Variants in TEKT4 observed in about 807,000 individuals in gnomAD.
The protein encoded by TEKT4 is tektin-4.
TEKT4 carries 46 observed loss-of-function variants against 46.0 expected under a neutral mutation model. The ratio of observed to expected loss-of-function variants is 1.00; its 90% CI spans 0.79 to 1.28. The LOEUF (loss-of-function observed/expected upper bound fraction) is 1.28, where lower values mean the gene tolerates loss of function less well. TEKT4 is among the 50% of genes most tolerant of loss of function. TEKT4 has a pLI of 0.00. For missense variants in TEKT4, 790 were observed against 622.9 expected (o/e 1.27, Z -2.85); for synonymous variants, 325 against 265.8 (o/e 1.22, Z -2.17).
chr2:94,875,508 G>T (rs1680802381), intron 4 of TEKT4, 80 bp from the exon 5 acceptor site: 1 of 1,586,338 alleles, frequency 6.3e-7, no homozygotes, highest in East Asian at 2.2e-5. Flanking sequence ...CCCAAGACCT[G>T]GGTAGGACCA....
rs1264904273 is a variant in TEKT4, at chr2:94,871,979, GAGGT to G, written c.401_404del (p.Glu134GlyfsTer31). ...GCTGGAGCGCGCCCTGGACGCCACA[GAGGT>G]GCCCTTCTCCATCACCACTGACAAC... On this transcript the variant is annotated frameshift_variant, in exon 1 of 6. Coordinates refer to ENST00000295201, the MANE Select transcript of TEKT4 (RefSeq NM_144705.4). LOFTEE classifies it high-confidence loss of function. 1.2e-6 allele frequency: 2 copies of G among 1,600,586 alleles called. No individual in the cohort carries two copies. Among genetic ancestry groups the G allele is most frequent in the Admixed American group, 3.4e-5 (2 of 59,098 alleles).
At chr2:94,875,824 C>G in intron 5 of TEKT4, 82 bp downstream of exon 5, 2 of 1,405,498 alleles carry the variant, frequency 1.4e-6, no homozygotes, top group Non-Finnish European at 2.0e-6. Context: ...CACTCCAACA[C>G]CCCGCACACA....
chr2:94,874,163 G>A (rs551961352), intron 3 of TEKT4, 55 bp downstream of exon 3: 4 of 1,583,176 alleles, frequency 2.5e-6, no homozygotes, highest in African/African-American at 1.3e-5. Context: ...GCCTCCCTCT[G>A]CCTGGGGGCC....
intron 2 of TEKT4, 85 bp from the exon 3 acceptor site, chr2:94,873,880 C>A (rs1680696045): frequency 1.3e-6 from 2 of 1,559,328 alleles, no homozygotes; most frequent in Non-Finnish European, 8.7e-7. Flanking sequence ...CTGAGGCAGG[C>A]ATTGGGGCCC....
At chr2:94,875,066 CCT>C in intron 4 of TEKT4, 68 bp downstream of exon 4, 2 of 1,454,496 alleles carry the variant, frequency 1.4e-6, no homozygotes, top group South Asian at 2.7e-5. Flanking sequence ...ACACCTTTCT[CCT>C]CTGTCCCATT....
In TEKT4 at chr2:94,876,749, C is replaced by A; in HGVS notation, c.1288C>A (p.Gln430Lys). The change falls in exon 6 of 6, where the codon CAG becomes AAG. Residue 430 changes from glutamine to lysine, a missense_variant. Physicochemically the swap from Gln to Lys is moderately conservative, Grantham distance 53. Coordinates refer to ENST00000295201, the MANE Select transcript of TEKT4 (RefSeq NM_144705.4). ...AHRTRYPTIL[Q>K]LAGYQ ...TCGTACTCGCTACCCCACCATCCTG[C>A]AGCTGGCTGGCTACCAGTGAGCAGC... 1 of 1,608,232 alleles carries A rather than the reference C, an allele frequency of 6.2e-7. No homozygotes were observed. Among genetic ancestry groups the A allele is most frequent in the Non-Finnish European group, 8.5e-7 (1 of 1,179,960 alleles).
Position 94,871,701 on chromosome 2 carries a change from T to A in TEKT4, c.122T>A (p.Leu41Gln). The change falls in exon 1 of 6, where the codon CTG becomes CAG. Residue 41 changes from leucine (L) to glutamine (Q), a missense_variant. By Grantham distance (113) the Leu-to-Gln change is moderately radical (BLOSUM62 -2). Transcript: ENST00000295201. ...TASFRTSKYLLEEWFQNCYAR... is the reference protein window; with the variant it reads ...TASFRTSKYLQEEWFQNCYAR... ...AGCTTCCGCACCTCCAAGTACCTGC[T>A]GGAGGAGTGGTTCCAGAACTGCTAT... 1 of 1,612,584 alleles carries A rather than the reference T, an allele frequency of 6.2e-7. No homozygotes were observed. The highest frequency in any genetic ancestry group is 8.5e-7 in the Non-Finnish European group (1 of 1,179,916).
At position 94,871,451 on chromosome 2, in the gene TEKT4, G is replaced by C; in HGVS notation, c.-129G>C. The stretch of plus-strand genomic sequence containing the variant: ...TCTTGGTTTACACAGTGTCACCCAA[G>C]CGACTGGGAGCCGCGTCCTGCTCTG... On this transcript the variant is annotated 5_prime_UTR_variant, in exon 1 of 6. Transcript: ENST00000295201. The C allele has an allele frequency of 8.2e-7, 1 of 1,216,276 alleles. No individual in the cohort carries two copies. The highest frequency in any genetic ancestry group is 1.1e-6 in the Non-Finnish European group (1 of 899,332). The allele number at this position is 1,216,276 out of a possible 1,614,324, so 75.3% of individuals were successfully genotyped here. A position where few individuals can be genotyped will look rare whatever the true frequency, so the allele number is the denominator to read the frequency against.
Position 94,875,617 on chromosome 2 carries a change from C to T in TEKT4, c.966C>T (p.His322=). ...KTLREITDQE[H]NVAALKQAIK... ...TGCGGGAAATCACAGATCAGGAACA[C>T]AACGTGGCGGCACTGAAGCAGGCCA... is the stretch of plus-strand genomic sequence containing the variant. The change falls in exon 5 of 6, where the codon CAC becomes CAT. Residue 322 remains histidine (H), a synonymous_variant. Transcript: ENST00000295201. 1.2e-6 allele frequency: 2 copies of T among 1,614,156 alleles called. No homozygotes were observed. The highest frequency in any genetic ancestry group is 1.7e-6 in the Non-Finnish European group (2 of 1,179,998).
Position 94,874,111 on chromosome 2 carries a change from G to A in TEKT4, c.713+3G>A. On this transcript the variant is annotated splice_donor_region_variant and intron_variant, in intron 3 of 5. Transcript: ENST00000295201. ...TACTCCACCACCTTCCAAGAGAGGT[G>A]GGCCCCAGCTCTGCCCCTGCACTTG... The A allele has an allele frequency of 1.2e-6, 2 of 1,613,198 alleles. No individual in the cohort carries two copies. Among genetic ancestry groups the A allele is most frequent in the South Asian group, 1.1e-5 (1 of 91,070 alleles).
Position 94,873,741 on chromosome 2 carries a change from G to A in TEKT4, c.569+151G>A, listed in dbSNP as rs566877802. The A allele has an allele frequency of 3.7e-5, 47 of 1,266,962 alleles. No homozygotes were observed. The Middle Eastern group carries it at 7.3e-4, about 20-fold the overall frequency. The allele number at this position is 1,266,962 out of a possible 1,614,324, so 78.5% of individuals were successfully genotyped here. On this transcript the variant is annotated intron_variant, in intron 2 of 5. Coordinates refer to ENST00000295201, the MANE Select transcript of TEKT4 (RefSeq NM_144705.4). ...GCAGGACTGGGTGGGGGAGGTTCCG[G>A]CGCAGCCTGAGGTTGAGTGGCCAGA...
intron 1 of TEKT4, chr2:94,872,714 G>C: frequency 1.1e-5 from 9 of 799,682 alleles, no homozygotes; most frequent in Non-Finnish European, 1.4e-5. Context: ...AAGATGTGGG[G>C]TGGGGGCAGC....
chr2:94,874,287 G>T (rs1323380272), intron 3 of TEKT4, among the ~76,000 whole-genome samples, 179 bp downstream of exon 3: 1 of 152,212 alleles, frequency 6.6e-6, no homozygotes, highest in African/African-American at 2.4e-5. Context: ...AATGTCCAGC[G>T]CGTGCACAGC....
chr2:94,871,513 A>ACC lies in TEKT4; in HGVS notation c.-67_-66insCC. ...TTGGAGCTGCCCCGCTGACCGCACT[A>ACC]GGCTGACCGCAACCGGCTGACCACA... On this transcript the variant is annotated 5_prime_UTR_variant, in exon 1 of 6. Coordinates refer to ENST00000295201, the MANE Select transcript of TEKT4 (RefSeq NM_144705.4). The ACC allele has an allele frequency of 2.7e-6, 4 of 1,487,728 alleles. No individual in the cohort carries two copies. The highest frequency in any genetic ancestry group is 3.6e-6 in the Non-Finnish European group (4 of 1,119,750). The allele number at this position is 1,487,728 out of a possible 1,614,324, so 92.2% of individuals were successfully genotyped here.
At chr2:94,873,283 T>C in intron 1 of TEKT4, 1 of 1,383,690 alleles carries the variant, frequency 7.2e-7, no homozygotes, top group Non-Finnish European at 9.4e-7. Flanking sequence ...CTGAGGGACC[T>C]TCCCAGCAGC....
chr2:94,871,497 C>G lies in TEKT4; in HGVS notation c.-83C>G. 6.9e-7 allele frequency: 1 copy of G among 1,448,978 alleles called. No individual in the cohort carries two copies. Among genetic ancestry groups the G allele is most frequent in the Non-Finnish European group, 9.1e-7 (1 of 1,100,830 alleles). 89.8% of individuals were successfully genotyped at this position (1,448,978 alleles called of 1,614,324 possible). On this transcript the variant is annotated 5_prime_UTR_variant, in exon 1 of 6. Transcript: ENST00000295201. Reference sequence around the variant, plus strand: ...CTCTGGGACTGAGCCGTTGGAGCTGCCCCGCTGACCGCACTAGGCTGACCG... The same window carrying G: ...CTCTGGGACTGAGCCGTTGGAGCTGGCCCGCTGACCGCACTAGGCTGACCG...
chr2:94,875,263 C>T (rs1434199141), intron 4 of TEKT4, among the ~76,000 whole-genome samples: 1 of 152,160 alleles, frequency 6.6e-6, no homozygotes, highest in African/African-American at 2.4e-5. Flanking sequence ...GAGTCCTGGC[C>T]TGGCAGGCAG....
Position 94,874,026 on chromosome 2 carries a change from A to G in TEKT4, c.631A>G (p.Asn211Asp). ...MDWSDKMEAY[N>D]IDETCGRHHS... ...CTGGTCAGACAAGATGGAGGCCTAC[A>G]ACATCGACGAGACCTGCGGGCGCCA... Residue 211 changes from asparagine (N) to aspartate (D), a missense_variant, in exon 3 of 6, where the codon AAC (asparagine) becomes GAC (aspartate). By Grantham distance (23) the Asn-to-Asp change is conservative (BLOSUM62 1). Coordinates refer to ENST00000295201, the MANE Select transcript of TEKT4 (RefSeq NM_144705.4). 6.2e-7 allele frequency: 1 copy of G among 1,613,804 alleles called. No individual in the cohort carries two copies. The highest frequency in any genetic ancestry group is 1.1e-5 in the South Asian group (1 of 91,086).
In TEKT4 at chr2:94,871,785, G is replaced by T; in HGVS notation, c.206G>T (p.Ser69Ile). The change falls in exon 1 of 6, where the codon AGC (serine) becomes ATC (isoleucine). Residue 69 changes from serine (S) to isoleucine (I), a missense_variant. Ser to Ile is a moderately radical substitution (Grantham distance 142, BLOSUM62 -2). Transcript: ENST00000295201. Reference sequence around the variant, plus strand: ...CAGTCGGAGCGGCAGCGGCACGAGAGCCAGCAGCTGGCCACAGAGACCCAG... The same window carrying T: ...CAGTCGGAGCGGCAGCGGCACGAGATCCAGCAGCTGGCCACAGAGACCCAG... ...RDQSERQRHE[S>I]QQLATETQAL... The T allele has an allele frequency of 6.2e-7, 1 of 1,611,918 alleles. No individual in the cohort carries two copies.
Sources: allele counts gnomAD v4.1 joint callset (sites outside exome capture counted in the v4.1 genomes callset), GRCh38; gene constraint gnomAD v4.1.1; transcripts MANE v1.5; gene names NCBI Gene and HGNC (gene_info 2026-07-23, HGNC 2026-07-21).